The following SYK variants were observed in gnomAD, a reference collection of about 807,000 sequenced individuals.
The protein encoded by SYK is tyrosine-protein kinase SYK.
A neutral mutation model predicts 77.8 loss-of-function variants in SYK; 16 were observed. The ratio of observed to expected loss-of-function variants is 0.21; its 90% CI spans 0.14 to 0.31. The LOEUF (loss-of-function observed/expected upper bound fraction) is 0.31, where lower values mean the gene tolerates loss of function less well. Among genes scored for constraint, SYK ranks in the 10% least tolerant of loss-of-function variants. The pLI is 1.00. For missense variants in SYK, 529 were observed against 814.4 expected (o/e 0.65, Z 4.26); for synonymous variants, 312 against 308.7 (o/e 1.01, Z -0.11).
At chr9:90,893,256 G>A (rs1303558572) in intron 13 of SYK, among the ~76,000 whole-genome samples, 1 of 152,218 alleles carries the variant, frequency 6.6e-6, no homozygotes, top group East Asian at 1.9e-4. Context: ...GTGTATATAT[G>A]GGGTTTTTTA....
intron 1 of SYK, among the ~76,000 whole-genome samples, chr9:90,838,629 G>GT (rs1826174788): frequency 6.6e-6 from 1 of 152,192 alleles, no homozygotes; most frequent in African/African-American, 2.4e-5. Context: ...AGGCTGAGGG[G>GT]TACAGGTGGA....
intron 1 of SYK, among the ~76,000 whole-genome samples, chr9:90,815,499 G>A (rs10993698): frequency 6.6e-6 from 1 of 152,154 alleles, no homozygotes; most frequent in Non-Finnish European, 1.5e-5. Flanking sequence ...GTTTTGAAGG[G>A]TTTGTGAATT....
intron 1 of SYK, among the ~76,000 whole-genome samples, chr9:90,810,665 C>CT (rs1440178092): frequency 6.6e-6 from 1 of 152,226 alleles, no homozygotes; most frequent in Non-Finnish European, 1.5e-5. Context: ...TTCCAGAACT[C>CT]TGTCAGTGTG....
intron 1 of SYK, among the ~76,000 whole-genome samples, chr9:90,834,852 G>C (rs182050490): frequency 6.6e-6 from 1 of 152,318 alleles, no homozygotes; most frequent in East Asian, 1.9e-4. Flanking sequence ...GAAGCCAAAA[G>C]ATTGGACACC....
At chr9:90,832,218 A>G (rs1825923501) in intron 1 of SYK, among the ~76,000 whole-genome samples, 1 of 152,264 alleles carries the variant, frequency 6.6e-6, no homozygotes, top group South Asian at 2.1e-4. Context: ...ATTGTGAATA[A>G]CAAGAAGCAA....
chr9:90,831,849 T>TG (rs1825907934), intron 1 of SYK, among the ~76,000 whole-genome samples: 1 of 152,212 alleles, frequency 6.6e-6, no homozygotes, highest in African/African-American at 2.4e-5. Context: ...TGTGCTTTTC[T>TG]GGGGTGATTT....
At chr9:90,813,156 A>T (rs756243371) in intron 1 of SYK, among the ~76,000 whole-genome samples, 1 of 151,970 alleles carries the variant, frequency 6.6e-6, no homozygotes, top group Non-Finnish European at 1.5e-5. Context: ...TTCTCGTGAG[A>T]AGGACGTAAG....
chr9:90,834,806 C>T (rs973696964), intron 1 of SYK, among the ~76,000 whole-genome samples: 2 of 152,124 alleles, frequency 1.3e-5, no homozygotes, highest in Non-Finnish European at 1.5e-5. Context: ...TTATATGTGG[C>T]CCAAGACAAT....
intron 1 of SYK, among the ~76,000 whole-genome samples, chr9:90,817,273 T>C (rs1825324434): frequency 6.6e-6 from 1 of 152,174 alleles, no homozygotes; most frequent in Non-Finnish European, 1.5e-5. Context: ...TTCTGGAAAT[T>C]TTATAACTTT....
chr9:90,813,718 G>A (rs1312684623), intron 1 of SYK, among the ~76,000 whole-genome samples: 1 of 152,192 alleles, frequency 6.6e-6, no homozygotes, highest in Non-Finnish European at 1.5e-5. Flanking sequence ...CTGGTTACCA[G>A]GGAATTGAAG....
chr9:90,836,700 T>A (rs184096458), intron 1 of SYK, among the ~76,000 whole-genome samples: 1 of 152,350 alleles, frequency 6.6e-6, no homozygotes, highest in East Asian at 1.9e-4. Flanking sequence ...CTTGCAGTTC[T>A]CAAGTATTTT....
At chr9:90,843,065 GGAACCGGCAC>G (rs1428951247) in intron 1 of SYK, among the ~76,000 whole-genome samples, 2 of 152,152 alleles carry the variant, frequency 1.3e-5, no homozygotes, top group Admixed American at 1.3e-4. Flanking sequence ...TCGTGGGCTG[GGAACCGGCAC>G]TATCTCTTTA....
chr9:90,898,524 G>A lies in SYK; in HGVS notation c.*2924G>A, dbSNP rs202207011. ...GTCACTGGACATTTTTAAAAACTGTGATTTTTAATAAAAATTTAAAATTTG... is the reference window on the plus strand; with the variant it reads ...GTCACTGGACATTTTTAAAAACTGTAATTTTTAATAAAAATTTAAAATTTG... On this transcript the variant is annotated 3_prime_UTR_variant, in exon 14 of 14. Coordinates refer to ENST00000375754, the MANE Select transcript of SYK (RefSeq NM_003177.7). The A allele has an allele frequency of 2.0e-5, 4 of 204,696 alleles. No homozygotes were observed. The highest frequency in any genetic ancestry group is 4.0e-5 in the Non-Finnish European group (4 of 100,098). The allele number at this position is 204,696 out of a possible 1,614,324, so 12.7% of individuals were successfully genotyped here. A position where few individuals can be genotyped will look rare whatever the true frequency, so the allele number is the denominator to read the frequency against.
chr9:90,867,110 C>G, intron 6 of SYK, 21 bp from the exon 7 acceptor site: 1 of 1,613,802 alleles, frequency 6.2e-7, no homozygotes, highest in Non-Finnish European at 8.5e-7. Flanking sequence ...TACTGTTCCT[C>G]TTTGCCGTTG....
Position 90,878,878 on chromosome 9 carries a change from A to G in SYK, c.1506A>G (p.Leu502=). Residue 502 remains leucine (L), a synonymous_variant, in exon 11 of 14, where the codon CTA becomes CTG. Coordinates refer to ENST00000375754, the MANE Select transcript of SYK (RefSeq NM_003177.7). ...ATCTGGCTGCAAGAAATGTGTTGCT[A>G]GTTACCCAACATTACGCCAAGATCA... ...HRDLAARNVL[L]VTQHYAKISD... The G allele has an allele frequency of 6.2e-7, 1 of 1,614,188 alleles. No individual in the cohort carries two copies. Among genetic ancestry groups the G allele is most frequent in the Non-Finnish European group, 8.5e-7 (1 of 1,179,994 alleles).
intron 11 of SYK, among the ~76,000 whole-genome samples, chr9:90,884,301 A>ATATACACACATATACACATACGTGTATT (rs1828322630): frequency 6.9e-6 from 1 of 145,334 alleles, no homozygotes; most frequent in African/African-American, 2.5e-5. Flanking sequence ...ATACGTGTAT[A>ATATACACACATATACACATACGTGTATT]TATACACACA....
At chr9:90,827,764 A>G (rs550183104) in intron 1 of SYK, among the ~76,000 whole-genome samples, 1 of 152,284 alleles carries the variant, frequency 6.6e-6, no homozygotes, top group South Asian at 2.1e-4. Context: ...GCGGTTTGCC[A>G]TCTTGTCTTG....
At chr9:90,875,240 AAAAT>A (rs201667821) in intron 9 of SYK, among the ~76,000 whole-genome samples, 23 of 151,062 alleles carry the variant, frequency 1.5e-4, no homozygotes, top group Admixed American at 2.6e-4. Flanking sequence ...CTCTACAAAA[AAAAT>A]AAATAAATAA....
intron 1 of SYK, among the ~76,000 whole-genome samples, chr9:90,833,033 G>A (rs950763239): frequency 6.6e-6 from 1 of 152,172 alleles, no homozygotes; most frequent in Non-Finnish European, 1.5e-5. Context: ...TACCACATGA[G>A]CCTCCCCAAA....
Sources: allele counts gnomAD v4.1 joint callset (sites outside exome capture counted in the v4.1 genomes callset), GRCh38; gene constraint gnomAD v4.1.1; transcripts MANE v1.5; gene names NCBI Gene and HGNC (gene_info 2026-07-23, HGNC 2026-07-21).